The following FLT3 variants were observed in gnomAD, a reference collection of about 807,000 sequenced individuals.
FLT3 encodes receptor-type tyrosine-protein kinase FLT3.
FLT3 carries 46 observed loss-of-function variants against 126.6 expected under a neutral mutation model. The ratio of observed to expected loss-of-function variants is 0.36; its 90% CI spans 0.29 to 0.46. The LOEUF is 0.46. FLT3 is among the 20% of genes least tolerant of loss of function. The pLI, the probability that FLT3 is intolerant of heterozygous loss-of-function variation, is 1.00. For missense variants in FLT3, 1,069 were observed against 1,190.3 expected, an observed-to-expected ratio of 0.90 and a Z score of 1.50; for synonymous variants, 404 against 434.4, an observed-to-expected ratio of 0.93 and a Z score of 0.87.
At chr13:28,066,821 A>C (rs1301518895) in intron 2 of FLT3, among the ~76,000 whole-genome samples, 1 of 152,210 alleles carries the variant, frequency 6.6e-6, no homozygotes, top group Non-Finnish European at 1.5e-5. Context: ...TGCTAAAATC[A>C]GTAGGTGAAA....
intron 1 of FLT3, among the ~76,000 whole-genome samples, chr13:28,092,961 A>C (rs1181333603): frequency 8.0e-6 from 1 of 124,496 alleles, no homozygotes; most frequent in Non-Finnish European, 1.6e-5. Flanking sequence ...TCGCTCTGTC[A>C]CCCAGGCTGG....
intron 1 of FLT3, among the ~76,000 whole-genome samples, chr13:28,081,534 C>T (rs569193739): frequency 1.1e-4 from 17 of 152,132 alleles, no homozygotes; most frequent in Non-Finnish European, 2.5e-4. Context: ...CATAGGTTAT[C>T]ATGTTGTCTG....
rs748939415 is a variant in FLT3, at chr13:28,023,377, T to C, written c.2391A>G (p.Lys797=). Residue 797 remains lysine (K), a synonymous_variant, in exon 19 of 24, where the codon AAA becomes AAG. Coordinates refer to ENST00000241453, the MANE Select transcript of FLT3 (RefSeq NM_004119.3). The part of the protein sequence containing the change: ...DLLCFAYQVA[K]GMEFLEFKSC... ...ACTTAAATTCCAGAAATTCCATTCC[T>C]TTGGCAACTTGATATGCAAAGCAAA... 1.1e-5 allele frequency: 18 copies of C among 1,613,756 alleles called. No homozygotes were observed. The highest frequency in any genetic ancestry group is 1.5e-5 in the Non-Finnish European group (18 of 1,179,938).
At chr13:28,035,469 G>C (rs1183290379) in intron 12 of FLT3, 26 bp downstream of exon 12, 2 of 1,596,690 alleles carry the variant, frequency 1.3e-6, no homozygotes, top group African/African-American at 2.7e-5. Flanking sequence ...CCTGATGGTG[G>C]AATATCACAA....
chr13:28,061,300 G>C (rs2137766008), intron 3 of FLT3, among the ~76,000 whole-genome samples: 1 of 152,172 alleles, frequency 6.6e-6, no homozygotes, highest in Non-Finnish European at 1.5e-5. Flanking sequence ...AAGTTTCAGT[G>C]AGCCAAGACC....
chr13:28,015,380 G>A (rs1871749813), intron 21 of FLT3, 124 bp from the exon 22 acceptor site: 4 of 782,784 alleles, frequency 5.1e-6, no homozygotes, highest in African/African-American at 1.7e-5. Flanking sequence ...CACGGGCTGC[G>A]GCTGGGAAAA....
At chr13:28,092,417 A>G (rs1480740696) in intron 1 of FLT3, among the ~76,000 whole-genome samples, 4 of 151,998 alleles carry the variant, frequency 2.6e-5, no homozygotes, top group African/African-American at 4.8e-5. Flanking sequence ...CCCAGGCTGG[A>G]GTGCAGTGGC....
rs202109868 is a variant in FLT3, at chr13:28,035,573, T to C, written c.1519A>G (p.Ile507Val). ...CAGCACTTGACCAGGAACCCTTTTATGGCTTCACTCATGTTTAGAGTACTG... is the reference window on the plus strand; with the variant it reads ...CAGCACTTGACCAGGAACCCTTTTACGGCTTCACTCATGTTTAGAGTACTG... ...SSSTLNMSEA[I>V]KGFLVKCCAY... is the part of the protein sequence containing the mutation. Residue 507 changes from isoleucine (I) to valine (V), a missense_variant, in exon 12 of 24, where the codon ATA becomes GTA. Coordinates refer to ENST00000241453, the MANE Select transcript of FLT3 (RefSeq NM_004119.3). 3.0e-4 allele frequency: 486 copies of C among 1,614,096 alleles called. No homozygotes were observed. Among genetic ancestry groups the C allele is most frequent in the Middle Eastern group, 9.9e-4 (6 of 6,084 alleles).
At chr13:28,035,708 GAGC>G in intron 11 of FLT3, 35 bp from the exon 12 acceptor site, 6 of 1,582,846 alleles carry the variant, frequency 3.8e-6, no homozygotes, top group Non-Finnish European at 5.1e-6. Context: ...TTAGACAGGT[GAGC>G]TGTCATCAGA....
chr13:28,031,934 G>C (rs893521194), intron 15 of FLT3, among the ~76,000 whole-genome samples: 1 of 152,194 alleles, frequency 6.6e-6, no homozygotes, highest in African/African-American at 2.4e-5. Context: ...AGTGGATACA[G>C]GAACCTGCTT....
intron 1 of FLT3, among the ~76,000 whole-genome samples, chr13:28,097,687 G>C (rs2137838644): frequency 6.6e-6 from 1 of 152,194 alleles, no homozygotes; most frequent in Non-Finnish European, 1.5e-5. Context: ...GGCAGGTCTG[G>C]GCTCACATCC....
intron 1 of FLT3, among the ~76,000 whole-genome samples, chr13:28,091,752 C>G (rs530244195): frequency 6.6e-6 from 1 of 152,008 alleles, no homozygotes; most frequent in African/African-American, 2.4e-5. Flanking sequence ...CTGGGTAACA[C>G]AGCAAGACCT....
intron 9 of FLT3, among the ~76,000 whole-genome samples, chr13:28,046,300 C>A (rs1217036916): frequency 6.6e-6 from 1 of 152,078 alleles, no homozygotes; most frequent in Non-Finnish European, 1.5e-5. Flanking sequence ...AAAGTCCCAA[C>A]AAGGGACTTT....
chr13:28,025,991 A>C (rs932708738), intron 17 of FLT3, among the ~76,000 whole-genome samples: 3 of 152,178 alleles, frequency 2.0e-5, no homozygotes. Flanking sequence ...TAAAGAAAAA[A>C]GTCTCCAATA....
chr13:28,007,323 T>C (rs1870996570), intron 23 of FLT3, among the ~76,000 whole-genome samples: 1 of 152,218 alleles, frequency 6.6e-6, no homozygotes. Flanking sequence ...CACAGCTCAC[T>C]GCAGCCTCAA....
In FLT3 at chr13:28,037,198, C is replaced by T. The variant is rs769234618; in HGVS notation, c.1296G>A (p.Thr432=). The T allele has an allele frequency of 2.1e-5, 33 of 1,573,156 alleles. No individual in the cohort carries two copies. Among genetic ancestry groups the T allele is most frequent in the Middle Eastern group, 1.7e-4 (1 of 5,794 alleles). Residue 432 remains threonine, a synonymous_variant, in exon 10 of 24, where the codon ACG becomes ACA. Coordinates refer to ENST00000241453, the MANE Select transcript of FLT3 (RefSeq NM_004119.3). ...AATTTAACTTACTTCTTATATTCAG[C>T]GTGAACATTTTGGTAAATTGGGCAT... ...NDDAQFTKMF[T]LNIRRKPQVL...
chr13:28,072,921 C>G (rs1264269565), intron 1 of FLT3, among the ~76,000 whole-genome samples: 1 of 151,994 alleles, frequency 6.6e-6, no homozygotes, highest in Non-Finnish European at 1.5e-5. Flanking sequence ...AGGAGAATAG[C>G]GTAAACCCGG....
rs2491223 is a variant in FLT3, at chr13:28,033,852, T to G, written c.1942+35A>C. 1,103,342 of 1,487,264 alleles carry G rather than the reference T, an allele frequency of 0.74. 419,105 individuals carry two copies. The highest frequency in any genetic ancestry group is 0.78 in the Non-Finnish European group (835,419 of 1,065,684). The allele number at this position is 1,487,264 out of a possible 1,614,324, so 92.1% of individuals were successfully genotyped here. A position where few individuals can be genotyped will look rare whatever the true frequency, so the allele number is the denominator to read the frequency against. On this transcript the variant is annotated intron_variant, in intron 15 of 23. Transcript: ENST00000241453. Reference sequence around the variant, plus strand: ...TGGGAAACTGTGCCTCCCATTTTTGTGCATCTTTGTTGCTGTCCTTCCACT... The same window carrying G: ...TGGGAAACTGTGCCTCCCATTTTTGGGCATCTTTGTTGCTGTCCTTCCACT...
At chr13:28,043,204 C>T (rs1225904911) in intron 9 of FLT3, among the ~76,000 whole-genome samples, 2 of 149,138 alleles carry the variant, frequency 1.3e-5, no homozygotes, top group Non-Finnish European at 1.5e-5. Context: ...TTTTTTTTCC[C>T]ATAAAAGTGG....
Sources: allele counts gnomAD v4.1 joint callset (sites outside exome capture counted in the v4.1 genomes callset), GRCh38; gene constraint gnomAD v4.1.1; transcripts MANE v1.5; gene names NCBI Gene and HGNC (gene_info 2026-07-23, HGNC 2026-07-21).